ZFHX3: variants seen among roughly 807,000 people sequenced by gnomAD.
The protein encoded by ZFHX3 is zinc finger homeobox protein 3.
Under a neutral mutation model 279.1 loss-of-function variants are expected in ZFHX3, and 42 were observed. The ratio of observed to expected loss-of-function variants is 0.15; its 90% CI spans 0.12 to 0.19. ZFHX3 has a LOEUF of 0.19. ZFHX3 is among the 10% of genes least tolerant of loss of function. The pLI, the probability that ZFHX3 is intolerant of heterozygous loss-of-function variation, is 1.00. For missense variants in ZFHX3, 4,981 were observed against 4,754.0 expected, an observed-to-expected ratio of 1.05 and a Z score of -1.40; for synonymous variants, 2,293 against 1,957.8, an observed-to-expected ratio of 1.17 and a Z score of -4.52.
intron 2 of ZFHX3, chr16:73,608,660 A>G (rs1362279798): frequency 6.6e-6 from 1 of 152,124 alleles, no homozygotes; most frequent in Non-Finnish European, 1.5e-5. Context: ...ATTTGATGTG[A>G]TGCGATATTA....
chr16:73,116,120 C>CAA (rs1229813862), intron 7 of ZFHX3, among the ~76,000 whole-genome samples: 5 of 132,528 alleles, frequency 3.8e-5, no homozygotes, highest in African/African-American at 1.1e-4. Flanking sequence ...AACTCTGTCT[C>CAA]AAAAAAAAAA....
At chr16:72,927,874 G>A (rs533219633) in intron 3 of ZFHX3, among the ~76,000 whole-genome samples, 7 of 151,694 alleles carry the variant, frequency 4.6e-5, no homozygotes, top group African/African-American at 1.4e-4. Flanking sequence ...GACATAATTC[G>A]CATTAAAATG....
intron 2 of ZFHX3, among the ~76,000 whole-genome samples, chr16:73,658,876 C>A (rs2052750165): frequency 6.6e-6 from 1 of 152,054 alleles, no homozygotes; most frequent in Non-Finnish European, 1.5e-5. Flanking sequence ...TTTGGTATTA[C>A]CATTTTGACT....
intron 2 of ZFHX3, among the ~76,000 whole-genome samples, chr16:73,521,663 A>T (rs2019610723): frequency 6.6e-6 from 1 of 152,246 alleles, no homozygotes; most frequent in Non-Finnish European, 1.5e-5. Flanking sequence ...AAACTCCAGG[A>T]ATTTTAAGAA....
At chr16:73,050,502 G>C (rs978801769), upstream of ZFHX3, among the ~76,000 whole-genome samples, 1 of 152,202 alleles carries the variant, frequency 6.6e-6, no homozygotes, top group African/African-American at 2.4e-5. Context: ...ATGGAAATGA[G>C]GGACTACACA....
At chr16:73,536,763 G>A (rs145746986) in intron 2 of ZFHX3, among the ~76,000 whole-genome samples, 19 of 152,224 alleles carry the variant, frequency 1.2e-4, no homozygotes, top group Admixed American at 5.2e-4. Flanking sequence ...CGTAGCCCAC[G>A]AGAGTCCGGA....
intron 4 of ZFHX3, among the ~76,000 whole-genome samples, chr16:72,864,128 A>C (rs2037955916): frequency 6.6e-6 from 1 of 152,024 alleles, no homozygotes; most frequent in Admixed American, 6.6e-5. Flanking sequence ...GAAAAAAAAA[A>C]ATTTCCTTCC....
At chr16:73,363,421 C>T (rs931863103) in intron 3 of ZFHX3, among the ~76,000 whole-genome samples, 1 of 152,132 alleles carries the variant, frequency 6.6e-6, no homozygotes, top group African/African-American at 2.4e-5. Context: ...TGAAGAAAGA[C>T]ACTCGGCATT....
At chr16:73,746,906 G>C (rs182859124) in intron 1 of ZFHX3, among the ~76,000 whole-genome samples, 2 of 152,208 alleles carry the variant, frequency 1.3e-5, no homozygotes, top group African/African-American at 4.8e-5. Context: ...TCCTAATAAG[G>C]ACTGTGTTTT....
At position 73,636,805 on chromosome 16, in the gene ZFHX3, T is replaced by C. The variant is rs567552446; in HGVS notation, c.-1547+43375A>G. Among the ~76,000 whole-genome samples, 6 of 152,288 alleles carry C rather than the reference T, an allele frequency of 3.9e-5. No homozygotes were observed. In the South Asian group the frequency reaches 1.0e-3, roughly 26 times the overall value. ...ATGTTTGTAGCTATATGGAAAGATATGCAATAGTAAAGCTATCAATTTCAT... is the reference window on the plus strand; with the variant it reads ...ATGTTTGTAGCTATATGGAAAGATACGCAATAGTAAAGCTATCAATTTCAT... On this transcript the variant is annotated intron_variant, in intron 2 of 17. Transcript: ENST00000641206.
chr16:73,466,003 A>C (rs1353082894), intron 2 of ZFHX3, among the ~76,000 whole-genome samples: 2 of 152,074 alleles, frequency 1.3e-5, no homozygotes, highest in Non-Finnish European at 2.9e-5. Flanking sequence ...CTTCACAAAG[A>C]AAATGTGGTA....
intron 1 of ZFHX3, among the ~76,000 whole-genome samples, chr16:73,688,734 GC>G (rs1347686138): frequency 1.3e-5 from 2 of 152,150 alleles, no homozygotes; most frequent in African/African-American, 4.8e-5. Context: ...TTGAATTGCA[GC>G]CCCCATAATT....
intron 7 of ZFHX3, among the ~76,000 whole-genome samples, chr16:73,102,457 G>C (rs1966244053): frequency 1.3e-5 from 2 of 152,204 alleles, no homozygotes; most frequent in South Asian, 4.1e-4. Flanking sequence ...CTCTAGCATA[G>C]GACCTTGTAT....
intron 3 of ZFHX3, among the ~76,000 whole-genome samples, chr16:73,432,307 G>A (rs1199516193): frequency 2.0e-5 from 3 of 152,116 alleles, no homozygotes; most frequent in African/African-American, 7.2e-5. Context: ...CTTCCACACA[G>A]CAATCTAGGC....
In ZFHX3 at chr16:73,260,689, T is replaced by TTG. The variant is rs1346366393; in HGVS notation, c.-1193-3554_-1193-3553insCA. Among the ~76,000 whole-genome samples the TTG allele has an allele frequency of 4.2e-3, 439 of 105,384 alleles. 15 individuals are homozygous for TTG. The highest frequency in any genetic ancestry group is 9.3e-3 in the South Asian group (27 of 2,900). The allele number at this position is 105,384 out of a possible 152,430, so 69.1% of individuals were successfully genotyped here. A position where few individuals can be genotyped will look rare whatever the true frequency, so the allele number is the denominator to read the frequency against. On this transcript the variant is annotated intron_variant, in intron 4 of 17. Transcript: ENST00000641206. ...GTGGTGCACCTATCTGGTTTTTTTT[T>TTG]TTTTTTTTTTTTTTTTTTGAGATGG...
rs571913034 is a variant in ZFHX3 at position 73,869,642 on chromosome 16, A to C, written c.-1608+22009T>G. On this transcript the variant is annotated intron_variant, in intron 1 of 17. Coordinates refer to the ZFHX3 transcript ENST00000641206. ...TAGGCGCTTACATATATACTGGGAC[A>C]GAAAATAAAAACTAGGCAGCTTTTA... 2.6e-5 allele frequency among the ~76,000 whole-genome samples: 4 copies of C among 152,376 alleles called. No individual in the cohort carries two copies. The South Asian group carries it at 8.3e-4, about 32-fold the overall frequency.
chr16:72,787,038 T>TA lies in ZFHX3; in HGVS notation c.*125_*126insT. On this transcript the variant is annotated 3_prime_UTR_variant, in exon 10 of 10. Coordinates refer to ENST00000268489, the MANE Select transcript of ZFHX3 (RefSeq NM_006885.4). ...AACAACCCACGCTTTTTCTTTTTTT[T>TA]CTTTTTTTTTTTTTTTTTGTTTTTT... 1 of 1,057,398 alleles carries TA rather than the reference T, an allele frequency of 9.5e-7. No homozygotes were observed. The highest frequency in any genetic ancestry group is 1.2e-6 in the Non-Finnish European group (1 of 817,232). 65.5% of individuals were successfully genotyped at this position (1,057,398 alleles called of 1,614,324 possible).
intron 2 of ZFHX3, among the ~76,000 whole-genome samples, chr16:73,613,498 T>C (rs1014923185): frequency 6.6e-6 from 1 of 152,046 alleles, no homozygotes; most frequent in Admixed American, 6.6e-5. Context: ...TACTGAACAG[T>C]GCACTTACTA....
chr16:73,305,408 T>A (rs2015158542), intron 4 of ZFHX3, among the ~76,000 whole-genome samples: 1 of 152,222 alleles, frequency 6.6e-6, no homozygotes, highest in East Asian at 1.9e-4. Context: ...AATCAGTCCA[T>A]GCAAAGAGGA....
Sources: gnomAD v4.1 joint callset for allele counts (sites outside exome capture counted in the v4.1 genomes callset) on GRCh38, gnomAD v4.1.1 for gene constraint, MANE v1.5 for transcripts, NCBI Gene and HGNC (gene_info 2026-07-23, HGNC 2026-07-21) for gene names.